Variants in USP38 observed in about 807,000 individuals in gnomAD.
The protein encoded by USP38 is ubiquitin specific peptidase 38.
A neutral mutation model predicts 94.3 loss-of-function variants in USP38; 49 were observed. That is an observed-to-expected ratio of 0.52 (90% CI 0.41 to 0.66). The LOEUF (loss-of-function observed/expected upper bound fraction) is 0.66, where lower values mean the gene tolerates loss of function less well. USP38 is among the 30% of genes least tolerant of loss of function. The pLI is 0.00. For missense variants in USP38, 1,128 were observed against 1,229.4 expected, an observed-to-expected ratio of 0.92 and a Z score of 1.23; for synonymous variants, 468 against 463.6, an observed-to-expected ratio of 1.01 and a Z score of -0.12.
rs375167748 is a variant in USP38 at position 143,187,794 on chromosome 4, A to G, written c.683-32A>G. ...TTTTAAATACTTGAACCTACTTGCC[A>G]TGTTCCCTTTTCTTTTTAATTGAAA... On this transcript the variant is annotated intron_variant, in intron 1 of 9. Coordinates refer to ENST00000307017, the MANE Select transcript of USP38 (RefSeq NM_032557.6). 5 of 1,581,842 alleles carry G rather than the reference A, an allele frequency of 3.2e-6. No homozygotes were observed. The African/African-American group carries it at 4.1e-5, about 13-fold the overall frequency.
chr4:143,204,517 G>A (rs1381777785), intron 5 of USP38: 2 of 407,764 alleles, frequency 4.9e-6, no homozygotes, highest in African/African-American at 4.3e-5. Context: ...AGCCTCCCAA[G>A]TAGCTGGGAC....
intron 4 of USP38, among the ~76,000 whole-genome samples, chr4:143,198,477 A>G (rs547536026): frequency 1.3e-5 from 2 of 152,330 alleles, no homozygotes; most frequent in Admixed American, 1.3e-4. Context: ...ACTCTAGGGC[A>G]TCATAGGAAA....
chr4:143,200,485 TC>T (rs2149607633), intron 4 of USP38, among the ~76,000 whole-genome samples: 1 of 152,196 alleles, frequency 6.6e-6, no homozygotes, highest in East Asian at 1.9e-4. Flanking sequence ...GACAAGGATG[TC>T]CTCTCTCACC....
intron 2 of USP38, among the ~76,000 whole-genome samples, chr4:143,195,243 A>T (rs1211164984): frequency 6.6e-6 from 1 of 152,152 alleles, no homozygotes; most frequent in Non-Finnish European, 1.5e-5. Flanking sequence ...CCAAATTTGA[A>T]ATGTTTGAAA....
intron 2 of USP38, among the ~76,000 whole-genome samples, chr4:143,190,950 A>AT (rs1337808215): frequency 6.6e-6 from 1 of 151,696 alleles, no homozygotes; most frequent in Non-Finnish European, 1.5e-5. Context: ...CAATTTAGGA[A>AT]TTTTTTTTCA....
Position 143,213,565 on chromosome 4 carries a change from A to G in USP38, c.1605-16A>G, listed in dbSNP as rs1490578399. 1 of 1,570,802 alleles carries G rather than the reference A, an allele frequency of 6.4e-7. No homozygotes were observed. Among genetic ancestry groups the G allele is most frequent in the East Asian group, 2.3e-5 (1 of 44,392 alleles). Reference sequence around the variant, plus strand: ...AGTTAATTTAAGTAGCTATATAATGATATCCTCTGCTGCAGGCTCCATGAA... The same window carrying G: ...AGTTAATTTAAGTAGCTATATAATGGTATCCTCTGCTGCAGGCTCCATGAA... On this transcript the variant is annotated splice_polypyrimidine_tract_variant and intron_variant, in intron 8 of 9. Transcript: ENST00000307017.
intron 2 of USP38, among the ~76,000 whole-genome samples, chr4:143,191,268 A>T (rs1303227771): frequency 1.3e-5 from 2 of 152,198 alleles, no homozygotes; most frequent in East Asian, 3.8e-4. Flanking sequence ...CCAAACAGGT[A>T]ACATTAAAAT....
At chr4:143,216,024 T>C (rs1257321819) in intron 9 of USP38, among the ~76,000 whole-genome samples, 1 of 152,128 alleles carries the variant, frequency 6.6e-6, no homozygotes, top group Non-Finnish European at 1.5e-5. Flanking sequence ...AGATATCATA[T>C]AAACACTAGT....
At chr4:143,202,184 G>A (rs999986979) in intron 4 of USP38, among the ~76,000 whole-genome samples, 1 of 152,086 alleles carries the variant, frequency 6.6e-6, no homozygotes, top group Non-Finnish European at 1.5e-5. Context: ...AAAGATGATA[G>A]CAATAGAATG....
At position 143,214,385 on chromosome 4, in the gene USP38, G is replaced by A. The variant is rs2149612819; in HGVS notation, c.2409G>A (p.Leu803=). ...PVKRITSFSS[L]SESWSVDVDF... ...AAAGAATTACTTCTTTCTCTTCATT[G>A]TCAGAAAGTTGGTCTGTAGATGTTG... The change falls in exon 9 of 10, where the codon TTG becomes TTA. Residue 803 remains leucine, a synonymous_variant. Coordinates refer to ENST00000307017, the MANE Select transcript of USP38 (RefSeq NM_032557.6). 6.2e-7 allele frequency: 1 copy of A among 1,613,664 alleles called. No homozygotes were observed. The highest frequency in any genetic ancestry group is 8.5e-7 in the Non-Finnish European group (1 of 1,179,812).
intron 4 of USP38, among the ~76,000 whole-genome samples, chr4:143,202,363 G>A (rs373886649): frequency 3.3e-5 from 5 of 152,032 alleles, no homozygotes; most frequent in African/African-American, 7.2e-5. Flanking sequence ...TGGGAAGGAC[G>A]GGGAATTAGT....
At chr4:143,201,751 A>G (rs2149608097) in intron 4 of USP38, among the ~76,000 whole-genome samples, 1 of 152,324 alleles carries the variant, frequency 6.6e-6, no homozygotes, top group East Asian at 1.9e-4. Context: ...AAAAAAAATC[A>G]AAGCTTCTAA....
Position 143,223,747 on chromosome 4 carries a change from A to G in USP38, c.*3291A>G, listed in dbSNP as rs889066524. On this transcript the variant is annotated 3_prime_UTR_variant, in exon 10 of 10. Coordinates refer to ENST00000307017, the MANE Select transcript of USP38 (RefSeq NM_032557.6). ...GTACTTCACATGATACATTCCATAT[A>G]AAGAGCTCTTTTAAAATGACTATTT... The G allele has an allele frequency of 6.6e-6, 1 of 152,124 alleles. No individual in the cohort carries two copies. Among genetic ancestry groups the G allele is most frequent in the Admixed American group, 6.6e-5 (1 of 15,246 alleles). The allele number at this position is 152,124 out of a possible 1,614,324, so 9.4% of individuals were successfully genotyped here.
In USP38 at chr4:143,185,471, C is replaced by A; in HGVS notation, c.21C>A (p.Gly7=). The part of the protein sequence containing the change: MDKILE[G]LVSSSHPLPL... ...CGACAATGGACAAGATCCTGGAGGG[C>A]CTTGTGAGTTCCTCGCATCCCCTGC... Residue 7 remains glycine, a synonymous_variant, in exon 1 of 10, where the codon GGC becomes GGA. Coordinates refer to ENST00000307017, the MANE Select transcript of USP38 (RefSeq NM_032557.6). 6.3e-7 allele frequency: 1 copy of A among 1,597,530 alleles called. No homozygotes were observed. Among genetic ancestry groups the A allele is most frequent in the Non-Finnish European group, 8.5e-7 (1 of 1,171,144 alleles).
intron 6 of USP38, among the ~76,000 whole-genome samples, chr4:143,207,170 G>A (rs1237079245): frequency 6.6e-6 from 1 of 152,204 alleles, no homozygotes; most frequent in Non-Finnish European, 1.5e-5. Flanking sequence ...CATGGAACTT[G>A]CCCAAAGAGG....
intron 2 of USP38, 151 bp downstream of exon 2, chr4:143,188,112 T>G (rs1049377566): frequency 1.9e-6 from 2 of 1,072,486 alleles, no homozygotes; most frequent in Non-Finnish European, 2.6e-6. Flanking sequence ...TGGAATTGTT[T>G]ATAGCGTTGA....
Position 143,223,735 on chromosome 4 carries a change from T to G in USP38, c.*3279T>G, listed in dbSNP as rs1186196898. ...TCCTATGATTGTGTACTTCACATGA[T>G]ACATTCCATATAAAGAGCTCTTTTA... On this transcript the variant is annotated 3_prime_UTR_variant, in exon 10 of 10. Coordinates refer to ENST00000307017, the MANE Select transcript of USP38 (RefSeq NM_032557.6). The G allele has an allele frequency of 6.6e-6, 1 of 152,130 alleles. No individual in the cohort carries two copies. 9.4% of individuals were successfully genotyped at this position (152,130 alleles called of 1,614,324 possible).
chr4:143,188,209 T>C (rs544415597), intron 2 of USP38, among the ~76,000 whole-genome samples: 1 of 152,206 alleles, frequency 6.6e-6, no homozygotes, highest in Non-Finnish European at 1.5e-5. Context: ...TATTATACAC[T>C]CAGATGTTGA....
chr4:143,218,539 AAAT>A (rs530135726), intron 9 of USP38, among the ~76,000 whole-genome samples: 332 of 152,242 alleles, frequency 2.2e-3, no homozygotes, highest in African/African-American at 7.9e-3. Flanking sequence ...ATATTTCTAT[AAAT>A]AATAAAGCAG....
Sources: allele counts gnomAD v4.1 joint callset (sites outside exome capture counted in the v4.1 genomes callset), GRCh38; gene constraint gnomAD v4.1.1; transcripts MANE v1.5; gene names NCBI Gene and HGNC (gene_info 2026-07-23, HGNC 2026-07-21).